Variants in FGF12 observed in about 807,000 individuals in gnomAD.
The protein encoded by FGF12 is fibroblast growth factor 12, also known as fibroblast growth factor 12B.
In FGF12, 14 loss-of-function variants were observed where a neutral mutation model predicts 23.6. That is an observed-to-expected ratio of 0.59 (90% CI 0.39 to 0.93). The LOEUF is 0.93. Ranked by LOEUF, FGF12 falls within the 40% of genes least tolerant of loss-of-function variation. The pLI is 0.00. For synonymous variants in FGF12, 62 were observed against 77.3 expected (o/e 0.80, Z 1.04); for missense variants, 175 against 217.8 (o/e 0.80, Z 1.24).
At chr3:192,185,068 C>T (rs977998369) in intron 4 of FGF12, among the ~76,000 whole-genome samples, 1 of 152,226 alleles carries the variant, frequency 6.6e-6, no homozygotes, top group African/African-American at 2.4e-5. Flanking sequence ...AAATCCAAAT[C>T]TCTCCTGGTC....
In FGF12 at chr3:192,202,599, G is replaced by T. The variant is rs552439045; in HGVS notation, c.229-31943C>A. Among the ~76,000 whole-genome samples, 13 of 152,246 alleles carry T rather than the reference G, an allele frequency of 8.5e-5. 1 individual carries two copies. The East Asian group carries it at 2.5e-3, about 29-fold the overall frequency. On this transcript the variant is annotated intron_variant, in intron 4 of 5. Transcript: ENST00000445105. ...TTCTTTAATTGTAAGGGAAAATCAAGAAAATATTTAATTTTGTCTCATATC... is the reference window on the plus strand; with the variant it reads ...TTCTTTAATTGTAAGGGAAAATCAATAAAATATTTAATTTTGTCTCATATC...
At chr3:192,284,248 G>A (rs1007182571) in intron 4 of FGF12, among the ~76,000 whole-genome samples, 1 of 152,120 alleles carries the variant, frequency 6.6e-6, no homozygotes, top group Non-Finnish European at 1.5e-5. Context: ...GAGGATCATG[G>A]AATATTCGCA....
chr3:192,340,521 A>G (rs1193148234), intron 3 of FGF12, among the ~76,000 whole-genome samples: 1 of 152,176 alleles, frequency 6.6e-6, no homozygotes, highest in East Asian at 1.9e-4. Context: ...CCAAGTATTT[A>G]ATCTGACATT....
intron 3 of FGF12, among the ~76,000 whole-genome samples, chr3:192,359,720 C>T (rs1482212850): frequency 2.0e-5 from 3 of 152,022 alleles, no homozygotes; most frequent in African/African-American, 7.2e-5. Flanking sequence ...CTTGTCAACT[C>T]TAAAGTTAGA....
At chr3:192,324,327 A>G (rs1179106396) in intron 4 of FGF12, among the ~76,000 whole-genome samples, 3 of 152,130 alleles carry the variant, frequency 2.0e-5, no homozygotes, top group Non-Finnish European at 4.4e-5. Context: ...CAAAGCAGGA[A>G]CCAGCACTAA....
chr3:192,447,643 G>A (rs892184407), intron 2 of FGF12, among the ~76,000 whole-genome samples: 1 of 151,936 alleles, frequency 6.6e-6, no homozygotes, highest in African/African-American at 2.4e-5. Context: ...TTCTCATCAC[G>A]TAAAATTTTT....
chr3:192,244,319 C>T (rs982382864), intron 4 of FGF12, among the ~76,000 whole-genome samples: 8 of 151,920 alleles, frequency 5.3e-5, no homozygotes, highest in African/African-American at 1.4e-4. Flanking sequence ...GATGAAATCA[C>T]GTATGTCACA....
chr3:192,592,328 C>T lies in FGF12; in HGVS notation c.13+134853G>A, dbSNP rs144593383. On this transcript the variant is annotated intron_variant, in intron 2 of 5. Coordinates refer to ENST00000445105, the MANE Select transcript of FGF12 (RefSeq NM_004113.6). ...TGCTGGTGTACACTGTAGCACATTT[C>T]AGACTACCTGGTTCTAGGTATTGGA... Among the ~76,000 whole-genome samples, 27 of 151,976 alleles carry T rather than the reference C, an allele frequency of 1.8e-4. No individual in the cohort carries two copies. The East Asian group carries it at 4.6e-3, about 26-fold the overall frequency.
At chr3:192,199,479 T>C (rs1402849659) in intron 4 of FGF12, among the ~76,000 whole-genome samples, 1 of 151,770 alleles carries the variant, frequency 6.6e-6, no homozygotes, top group African/African-American at 2.4e-5. Context: ...TGTCTGCAAA[T>C]ACCAAGTAGC....
intron 2 of FGF12, among the ~76,000 whole-genome samples, chr3:192,401,980 T>C (rs1720777672): frequency 1.3e-5 from 2 of 152,238 alleles, no homozygotes; most frequent in African/African-American, 4.8e-5. Flanking sequence ...TATCTTCATT[T>C]TACAAATCAG....
intron 2 of FGF12, among the ~76,000 whole-genome samples, chr3:192,713,626 A>T (rs558592990): frequency 8.6e-4 from 131 of 152,306 alleles, no homozygotes; most frequent in African/African-American, 3.1e-3. Context: ...GTCAGTTGAG[A>T]TTAAAAGAGG....
At chr3:192,701,343 G>A (rs887280004) in intron 2 of FGF12, among the ~76,000 whole-genome samples, 6 of 152,236 alleles carry the variant, frequency 3.9e-5, no homozygotes, top group Non-Finnish European at 7.4e-5. Context: ...AAACCAAGCC[G>A]TAGCCCGACC....
At chr3:192,456,583 T>A (rs1450386614) in intron 2 of FGF12, among the ~76,000 whole-genome samples, 1 of 152,230 alleles carries the variant, frequency 6.6e-6, no homozygotes, top group Non-Finnish European at 1.5e-5. Context: ...ACCCCATAAA[T>A]GTATACTCCT....
intron 4 of FGF12, among the ~76,000 whole-genome samples, chr3:192,244,280 T>C (rs565727334): frequency 2.0e-5 from 3 of 152,106 alleles, no homozygotes; most frequent in Non-Finnish European, 4.4e-5. Context: ...TAGCAAAATA[T>C]TGAGGCAAAC....
At chr3:192,715,176 A>G (rs1341349024) in intron 2 of FGF12, among the ~76,000 whole-genome samples, 1 of 152,242 alleles carries the variant, frequency 6.6e-6, no homozygotes, top group Admixed American at 6.5e-5. Flanking sequence ...AGATGATTAC[A>G]GTAGTCAATG....
At chr3:192,686,514 T>C (rs1054498826) in intron 2 of FGF12, among the ~76,000 whole-genome samples, 6 of 152,176 alleles carry the variant, frequency 3.9e-5, no homozygotes, top group African/African-American at 1.4e-4. Context: ...TGTAGTGCCA[T>C]TGTTTATTAA....
chr3:192,167,780 T>A lies in FGF12; in HGVS notation c.427+2678A>T, dbSNP rs1454300081. On this transcript the variant is annotated intron_variant, in intron 5 of 5. Transcript: ENST00000445105. ...ATATATATATATATAAAATTTTTTT[T>A]TTTTTTTTTTTTTGAGAAAGAATCT... Among the ~76,000 whole-genome samples, 699 of 109,740 alleles carry A rather than the reference T, an allele frequency of 6.4e-3. 68 individuals carry two copies. The highest frequency in any genetic ancestry group is 0.034 in the East Asian group (119 of 3,538). The allele number at this position is 109,740 out of a possible 152,430, so 72.0% of individuals were successfully genotyped here.
intron 2 of FGF12, among the ~76,000 whole-genome samples, chr3:192,583,544 A>G (rs1713249369): frequency 6.6e-6 from 1 of 152,228 alleles, no homozygotes; most frequent in African/African-American, 2.4e-5. Flanking sequence ...AATAGCAGAA[A>G]AAGACTGAAG....
intron 2 of FGF12, among the ~76,000 whole-genome samples, chr3:192,394,637 C>T (rs536083848): frequency 6.6e-6 from 1 of 152,136 alleles, no homozygotes; most frequent in South Asian, 2.1e-4. Context: ...AATGACTTCC[C>T]CAAGGTCACC....
Sources: gnomAD v4.1 joint callset for allele counts (sites outside exome capture counted in the v4.1 genomes callset) on GRCh38, gnomAD v4.1.1 for gene constraint, MANE v1.5 for transcripts, NCBI Gene and HGNC (gene_info 2026-07-23, HGNC 2026-07-21) for gene names.